VASH2: variants seen among roughly 807,000 people sequenced by gnomAD.
VASH2 encodes the protein vasohibin 2.
Under a neutral mutation model 37.2 loss-of-function variants are expected in VASH2, and 28 were observed. That is an observed-to-expected ratio of 0.75 (90% confidence interval 0.56 to 1.03). VASH2 has a LOEUF of 1.03. Ranked by LOEUF, VASH2 falls within the 50% of genes least tolerant of loss-of-function variation. VASH2 has a pLI of 0.00. For missense variants in VASH2, 419 were observed against 459.1 expected (o/e 0.91, Z 0.80); for synonymous variants, 188 against 174.7 (o/e 1.08, Z -0.60).
Position 212,989,195 on chromosome 1 carries a change from T to A in VASH2, c.*611T>A, listed in dbSNP as rs929722671. On this transcript the variant is annotated 3_prime_UTR_variant, in exon 8 of 8. Coordinates refer to ENST00000517399, the MANE Select transcript of VASH2 (RefSeq NM_001301056.2). ...ATTTAAGGTACTATATGCAAGTGTT[T>A]TACTAAAAAGCACTGAAATTCTTCT... The A allele has an allele frequency of 6.5e-6, 1 of 152,700 alleles. No individual in the cohort carries two copies. Among genetic ancestry groups the A allele is most frequent in the African/African-American group, 2.4e-5 (1 of 41,464 alleles). 9.5% of individuals were successfully genotyped at this position (152,700 alleles called of 1,614,324 possible).
intron 5 of VASH2, chr1:212,968,537 G>A: frequency 1.0e-6 from 1 of 985,478 alleles, no homozygotes; most frequent in African/African-American, 1.7e-5. Context: ...TTGACCACAG[G>A]TGCCTTGGCT....
chr1:212,968,665 G>A, intron 5 of VASH2: 5 of 985,642 alleles, frequency 5.1e-6, no homozygotes, highest in Non-Finnish European at 6.0e-6. Context: ...CCAGCAGGAA[G>A]CTGGGAATGG....
intron 7 of VASH2, among the ~76,000 whole-genome samples, chr1:212,983,366 C>G (rs1667389854): frequency 6.6e-6 from 1 of 152,122 alleles, no homozygotes; most frequent in Admixed American, 6.5e-5. Context: ...CTGGTGAGAG[C>G]CTTCTTGTTG....
At chr1:212,979,402 G>T (rs907694633) in intron 7 of VASH2, among the ~76,000 whole-genome samples, 1 of 152,154 alleles carries the variant, frequency 6.6e-6, no homozygotes, top group Non-Finnish European at 1.5e-5. Flanking sequence ...TAAGGCCATC[G>T]CGTCATTTCT....
intron 5 of VASH2, chr1:212,968,202 A>G (rs1055640824): frequency 1.0e-6 from 1 of 985,324 alleles, no homozygotes; most frequent in Admixed American, 6.1e-5. Context: ...GGAAATGCGA[A>G]TTTAGGAGCT....
chr1:212,973,182 T>C (rs1392564825), intron 6 of VASH2, among the ~76,000 whole-genome samples: 1 of 152,228 alleles, frequency 6.6e-6, no homozygotes, highest in South Asian at 2.1e-4. Flanking sequence ...TGAAATCAGA[T>C]CTAAAGTGTT....
chr1:212,969,995 T>A (rs775832737), intron 5 of VASH2, among the ~76,000 whole-genome samples: 1 of 152,212 alleles, frequency 6.6e-6, no homozygotes, highest in Non-Finnish European at 1.5e-5. Flanking sequence ...GAGAGGTAGA[T>A]CTTTGCTTCC....
chr1:212,954,389 A>C (rs1183065581), intron 2 of VASH2, among the ~76,000 whole-genome samples: 1 of 152,036 alleles, frequency 6.6e-6, no homozygotes, highest in Non-Finnish European at 1.5e-5. Flanking sequence ...TGATTTTTCC[A>C]TTATTGTAGC....
At chr1:212,967,134 G>T in intron 5 of VASH2, 1 of 1,304,522 alleles carries the variant, frequency 7.7e-7, no homozygotes, top group South Asian at 1.2e-5. Flanking sequence ...TAAAACAAGG[G>T]TCTAGCTTCT....
intron 7 of VASH2, among the ~76,000 whole-genome samples, chr1:212,982,771 T>C (rs1422159885): frequency 1.3e-5 from 2 of 152,186 alleles, no homozygotes; most frequent in Non-Finnish European, 2.9e-5. Flanking sequence ...TTTCTGTCAG[T>C]ATTAGCCCTT....
intron 7 of VASH2, among the ~76,000 whole-genome samples, chr1:212,980,561 A>G (rs1667312927): frequency 6.6e-6 from 1 of 152,206 alleles, no homozygotes; most frequent in African/African-American, 2.4e-5. Flanking sequence ...CTGAAAGCCC[A>G]TCTCCTTTCA....
At chr1:212,973,752 G>T in intron 6 of VASH2, 1 of 1,363,492 alleles carries the variant, frequency 7.3e-7, no homozygotes, top group Non-Finnish European at 9.5e-7. Flanking sequence ...TGTCTTGGAA[G>T]TGGTGCCCTT....
intron 5 of VASH2, chr1:212,967,255 C>T (rs1666880101): frequency 7.7e-7 from 1 of 1,293,344 alleles, no homozygotes; most frequent in Non-Finnish European, 1.0e-6. Flanking sequence ...TGACCACCTC[C>T]CTTACACAAT....
intron 7 of VASH2, among the ~76,000 whole-genome samples, chr1:212,977,435 A>G (rs952788186): frequency 3.3e-5 from 5 of 152,128 alleles, no homozygotes; most frequent in Non-Finnish European, 5.9e-5. Context: ...GAAAATAACC[A>G]GGAGAAAGAA....
intron 2 of VASH2, among the ~76,000 whole-genome samples, chr1:212,956,148 G>C (rs929859815): frequency 6.6e-6 from 1 of 152,166 alleles, no homozygotes; most frequent in African/African-American, 2.4e-5. Context: ...TCTGCCACAC[G>C]GCAGTTCAGT....
rs1666272621 is a variant in VASH2, at chr1:212,950,668, G to C, written c.-277G>C. The C allele has an allele frequency of 6.4e-6, 1 of 155,676 alleles. No individual in the cohort carries two copies. The highest frequency in any genetic ancestry group is 1.4e-5 in the Non-Finnish European group (1 of 70,332). 9.6% of individuals were successfully genotyped at this position (155,676 alleles called of 1,614,324 possible). ...AGCCCCAGCCCCAGCCCCAGGCCCA[G>C]CAGCAGCAGCAGCAGCCCCTGCTCT... On this transcript the variant is annotated 5_prime_UTR_variant, in exon 1 of 8. Coordinates refer to ENST00000517399, the MANE Select transcript of VASH2 (RefSeq NM_001301056.2). The surrounding 1 kb of genome is among the most constrained non-coding windows in gnomAD (Gnocchi z 5.5).
intron 7 of VASH2, among the ~76,000 whole-genome samples, chr1:212,986,077 A>G (rs186536260): frequency 9.9e-4 from 151 of 152,366 alleles, no homozygotes; most frequent in African/African-American, 2.5e-3. Flanking sequence ...AAAATCTAAT[A>G]CAAATGTAGT....
chr1:212,986,866 T>TA (rs1667493861), intron 7 of VASH2, among the ~76,000 whole-genome samples: 1 of 152,084 alleles, frequency 6.6e-6, no homozygotes, highest in Non-Finnish European at 1.5e-5. Context: ...TCCTGACCGA[T>TA]AAAGGAGGGC....
At position 212,990,700 on chromosome 1, in the gene VASH2, G is replaced by A. The variant is rs555910908; in HGVS notation, c.*2116G>A. On this transcript the variant is annotated 3_prime_UTR_variant, in exon 8 of 8. Coordinates refer to ENST00000517399, the MANE Select transcript of VASH2 (RefSeq NM_001301056.2). ...CCTTAGAACTGCCAACTGGCTTGATGGTTCAATTAGTAAGCTAATTTCTCC... is the reference window on the plus strand; with the variant it reads ...CCTTAGAACTGCCAACTGGCTTGATAGTTCAATTAGTAAGCTAATTTCTCC... 3 of 152,282 alleles carry A rather than the reference G, an allele frequency of 2.0e-5. No homozygotes were observed. The South Asian group carries it at 6.2e-4, about 32-fold the overall frequency. The allele number at this position is 152,282 out of a possible 1,614,324, so 9.4% of individuals were successfully genotyped here.
Sources: allele counts gnomAD v4.1 joint callset (sites outside exome capture counted in the v4.1 genomes callset), GRCh38; gene constraint gnomAD v4.1.1; non-coding constraint Gnocchi (gnomAD v3.1); transcripts MANE v1.5; gene names NCBI Gene and HGNC (gene_info 2026-07-23, HGNC 2026-07-21).